Variants in PCDHA6 observed in about 807,000 individuals in gnomAD.
PCDHA6 encodes protocadherin alpha 6, also known as protocadherin alpha-6.
Under a neutral mutation model 60.3 loss-of-function variants are expected in PCDHA6, and 55 were observed. That is an observed-to-expected ratio of 0.91 (90% CI 0.73 to 1.14). The LOEUF (loss-of-function observed/expected upper bound fraction) is 1.14. Ranked by LOEUF, PCDHA6 falls within the 50% of genes most tolerant of loss-of-function variation. The pLI is 0.00. For synonymous variants in PCDHA6, 652 were observed against 557.9 expected (o/e 1.17, Z -2.38); for missense variants, 1,327 against 1,256.5 (o/e 1.06, Z -0.85).
At chr5:140,857,386 C>A in intron 1 of PCDHA6, 2 of 1,598,422 alleles carry the variant, frequency 1.3e-6, no homozygotes, top group Non-Finnish European at 1.7e-6. Flanking sequence ...AGGTGGCCGA[C>A]GTGAACGACA....
intron 3 of PCDHA6, among the ~76,000 whole-genome samples, chr5:140,999,602 G>A (rs150839481): frequency 5.1e-4 from 78 of 152,202 alleles, no homozygotes; most frequent in African/African-American, 1.9e-3. Flanking sequence ...CTACATCCTG[G>A]GGGACCTTAT....
intron 1 of PCDHA6, chr5:140,843,171 G>C: frequency 6.3e-7 from 1 of 1,596,072 alleles, no homozygotes; most frequent in Non-Finnish European, 8.6e-7. Context: ...GCTGCAAGCA[G>C]CCCTCGCATC....
rs2150411326 is a variant in PCDHA6 at position 140,848,495 on chromosome 5, A to C, written c.2394+18010A>C. On this transcript the variant is annotated intron_variant, in intron 1 of 3. Transcript: ENST00000529310. ...AATTAGAAGAAGACTGAGTATTTGA[A>C]ATGTTATACTCAAGTCGAGGAGATC... is the stretch of plus-strand genomic sequence containing the variant. 86 of 1,576,710 alleles carry C rather than the reference A, an allele frequency of 5.5e-5. 9 individuals are homozygous for C. The highest frequency in any genetic ancestry group is 7.3e-5 in the Non-Finnish European group (84 of 1,155,398).
In PCDHA6 at chr5:140,850,779, G is replaced by A. The variant is rs1554144905; in HGVS notation, c.2394+20294G>A. 6.3e-7 allele frequency: 1 copy of A among 1,598,204 alleles called. No homozygotes were observed. Among genetic ancestry groups the A allele is most frequent in the Non-Finnish European group, 8.6e-7 (1 of 1,167,724 alleles). ...GAGGAGGCAGAGGGTGTGCTCTGGC[G>A]AGGGTAAGCAGAAGACCGACCTCAT... On this transcript the variant is annotated intron_variant, in intron 1 of 3. Coordinates refer to ENST00000529310, the MANE Select transcript of PCDHA6 (RefSeq NM_018909.4).
chr5:140,881,097 A>G (rs1179635604), intron 1 of PCDHA6, among the ~76,000 whole-genome samples: 1 of 152,262 alleles, frequency 6.6e-6, no homozygotes, highest in Non-Finnish European at 1.5e-5. Flanking sequence ...TTTTCATTAC[A>G]CCATTTGGCC....
intron 1 of PCDHA6, chr5:140,884,055 C>T (rs782119019): frequency 2.2e-5 from 36 of 1,613,356 alleles, no homozygotes; most frequent in Non-Finnish European, 1.7e-6. Flanking sequence ...AAGGTGCGCG[C>T]GGTGGACGCC....
At position 140,857,384 on chromosome 5, in the gene PCDHA6, G is replaced by A; in HGVS notation, c.2394+26899G>A. 7 of 1,598,500 alleles carry A rather than the reference G, an allele frequency of 4.4e-6. 1 individual carries two copies. The highest frequency in any genetic ancestry group is 2.7e-5 in the African/African-American group (2 of 74,484). On this transcript the variant is annotated intron_variant, in intron 1 of 3. Transcript: ENST00000529310. ...GGCCAGCGTGTCTGTGGAGGTGGCC[G>A]ACGTGAACGACAACGCGCCTGCGTT...
At chr5:140,932,415 T>C (rs1183410119) in intron 1 of PCDHA6, among the ~76,000 whole-genome samples, 2 of 151,922 alleles carry the variant, frequency 1.3e-5, no homozygotes, top group African/African-American at 4.8e-5. Context: ...GTTATATTAG[T>C]GTATTGTTCA....
chr5:140,896,750 A>G (rs781993760), intron 1 of PCDHA6, among the ~76,000 whole-genome samples: 3 of 152,114 alleles, frequency 2.0e-5, no homozygotes, highest in Non-Finnish European at 4.4e-5. Flanking sequence ...GATTCTGGAT[A>G]TTAGACCTTT....
intron 3 of PCDHA6, among the ~76,000 whole-genome samples, chr5:141,009,288 C>G (rs373954362): frequency 6.6e-6 from 1 of 152,068 alleles, no homozygotes; most frequent in African/African-American, 2.4e-5. Flanking sequence ...GATCCCATTT[C>G]TATAAAATTT....
chr5:140,855,277 C>T (rs1581364290), intron 1 of PCDHA6, among the ~76,000 whole-genome samples: 2 of 149,744 alleles, frequency 1.3e-5, no homozygotes, highest in Middle Eastern at 3.4e-3. Context: ...ACTCAACCAC[C>T]GTATTACTAT....
At chr5:140,994,704 CA>C (rs1294993555) in intron 3 of PCDHA6, among the ~76,000 whole-genome samples, 1 of 150,730 alleles carries the variant, frequency 6.6e-6, no homozygotes, top group Non-Finnish European at 1.5e-5. Flanking sequence ...GACCCTGTCT[CA>C]AAAAAAAATT....
At chr5:140,869,242 C>T (rs781799282) in intron 1 of PCDHA6, 1 of 1,613,610 alleles carries the variant, frequency 6.2e-7, no homozygotes, top group East Asian at 2.2e-5. Context: ...CTTCGTGGGC[C>T]GCATCGCGCA....
intron 1 of PCDHA6, chr5:140,843,312 C>G: frequency 1.3e-6 from 2 of 1,596,048 alleles, no homozygotes; most frequent in South Asian, 1.1e-5. Context: ...GCCACGGCCA[C>G]GGTTCTGGTG....
chr5:140,830,913 T>G (rs1357987465), intron 1 of PCDHA6: 2 of 152,364 alleles, frequency 1.3e-5, no homozygotes, highest in African/African-American at 4.8e-5. Flanking sequence ...CACTTTCCAT[T>G]TCAATGTTTT....
intron 3 of PCDHA6, among the ~76,000 whole-genome samples, chr5:141,000,481 G>A (rs1475922134): frequency 1.5e-5 from 2 of 133,428 alleles, no homozygotes; most frequent in African/African-American, 2.8e-5. Context: ...AAGCTGGAGT[G>A]CAATGGTAAG....
intron 1 of PCDHA6, among the ~76,000 whole-genome samples, chr5:140,846,605 ACCT>A (rs1246547204): frequency 6.7e-6 from 1 of 148,178 alleles, no homozygotes; most frequent in East Asian, 1.9e-4. Context: ...CGATCTCCTG[ACCT>A]CCTGATCCGC....
intron 1 of PCDHA6, among the ~76,000 whole-genome samples, chr5:140,903,475 A>C (rs1186809574): frequency 6.6e-6 from 1 of 152,220 alleles, no homozygotes; most frequent in African/African-American, 2.4e-5. Flanking sequence ...TATTCCTTGC[A>C]TTATAGTTCT....
At chr5:140,863,261 A>G (rs782771328) in intron 1 of PCDHA6, 17 of 1,449,886 alleles carry the variant, frequency 1.2e-5, no homozygotes, top group Non-Finnish European at 1.4e-5. Context: ...GAGGTCCGGG[A>G]GGCAGCGCTG....
Sources: allele counts gnomAD v4.1 joint callset (sites outside exome capture counted in the v4.1 genomes callset), GRCh38; gene constraint gnomAD v4.1.1; transcripts MANE v1.5; gene names NCBI Gene and HGNC (gene_info 2026-07-23, HGNC 2026-07-21).